Variants in GPHN observed in about 807,000 individuals in gnomAD.
GPHN encodes gephyrin.
In GPHN, 17 loss-of-function variants were observed where a neutral mutation model predicts 95.5. The ratio of observed to expected loss-of-function variants is 0.18; its 90% CI spans 0.12 to 0.27. The LOEUF (loss-of-function observed/expected upper bound fraction) is 0.27. Ranked by LOEUF, GPHN falls within the 10% of genes least tolerant of loss-of-function variation. The pLI is 1.00. For synonymous variants in GPHN, 320 were observed against 322.5 expected (o/e 0.99, Z 0.08); for missense variants, 660 against 978.1 (o/e 0.67, Z 4.34).
intron 1 of GPHN, among the ~76,000 whole-genome samples, chr14:66,546,591 GA>G (rs1238143676): frequency 6.6e-6 from 1 of 152,128 alleles, no homozygotes; most frequent in Non-Finnish European, 1.5e-5. Flanking sequence ...CCAACACAGC[GA>G]AACCCCGTCT....
At chr14:66,735,310 T>C (rs1250556278) in intron 2 of GPHN, among the ~76,000 whole-genome samples, 1 of 152,132 alleles carries the variant, frequency 6.6e-6, no homozygotes, top group Non-Finnish European at 1.5e-5. Context: ...TGTCACATCT[T>C]TATGAAGCTG....
chr14:66,563,051 C>A (rs2060329742), intron 1 of GPHN, among the ~76,000 whole-genome samples: 2 of 152,206 alleles, frequency 1.3e-5, no homozygotes, highest in South Asian at 4.1e-4. Flanking sequence ...GGGAGATATT[C>A]TGCCTACAAA....
chr14:67,584,857 C>T, the GPHN span, among the ~76,000 whole-genome samples: 2 of 152,160 alleles, frequency 1.3e-5, no homozygotes, highest in Non-Finnish European at 2.9e-5. Context: ...TAAGCCATCA[C>T]AAATGCTATG....
the GPHN span, among the ~76,000 whole-genome samples, chr14:67,716,058 G>A: frequency 6.6e-6 from 1 of 152,104 alleles, no homozygotes; most frequent in African/African-American, 2.4e-5. Flanking sequence ...TTAGCCGGGG[G>A]TGGTAGCCGG....
chr14:67,656,822 C>T, the GPHN span, among the ~76,000 whole-genome samples: 1 of 152,138 alleles, frequency 6.6e-6, no homozygotes, highest in African/African-American at 2.4e-5. Context: ...TTTACACTTA[C>T]GCGAGGCAAG....
At chr14:66,616,003 A>T (rs2063003095) in intron 1 of GPHN, among the ~76,000 whole-genome samples, 1 of 151,758 alleles carries the variant, frequency 6.6e-6, no homozygotes, top group African/African-American at 2.4e-5. Context: ...TGTTTTTGTC[A>T]GGTTTGTTGA....
the GPHN span, among the ~76,000 whole-genome samples, chr14:67,281,714 T>C: frequency 1.3e-5 from 2 of 152,218 alleles, no homozygotes; most frequent in Admixed American, 6.5e-5. Context: ...GAAACAAATA[T>C]AGCTTCAGCC....
the GPHN span, among the ~76,000 whole-genome samples, chr14:67,431,010 A>G: frequency 6.6e-6 from 1 of 152,198 alleles, no homozygotes; most frequent in Non-Finnish European, 1.5e-5. Flanking sequence ...TCTAGATTTC[A>G]GAAAGACAAA....
chr14:67,126,583 A>C (rs2079332465), intron 17 of GPHN, among the ~76,000 whole-genome samples: 1 of 152,222 alleles, frequency 6.6e-6, no homozygotes. Flanking sequence ...AGGTAAATTG[A>C]GTAGAAATTT....
intron 18 of GPHN, among the ~76,000 whole-genome samples, chr14:67,144,241 A>G (rs2080690354): frequency 1.6e-5 from 1 of 64,446 alleles, no homozygotes. Flanking sequence ...TGTCTTAAAA[A>G]AAAAAAAAAA....
the GPHN span, among the ~76,000 whole-genome samples, chr14:67,258,443 G>C: frequency 1.3e-5 from 2 of 152,172 alleles, no homozygotes; most frequent in East Asian, 3.9e-4. Context: ...GATTGAGGCA[G>C]GAGGATTGCA....
chr14:67,187,405 G>A, the GPHN span, among the ~76,000 whole-genome samples: 1 of 152,044 alleles, frequency 6.6e-6, no homozygotes, highest in African/African-American at 2.4e-5. Flanking sequence ...TAAGCCCAGT[G>A]AGTCACCAAA....
intron 11 of GPHN, among the ~76,000 whole-genome samples, chr14:67,080,422 C>T (rs2076646853): frequency 6.6e-6 from 1 of 151,730 alleles, no homozygotes; most frequent in African/African-American, 2.4e-5. Context: ...GATGTAGTCC[C>T]ATTTGTCTAT....
At chr14:66,707,497 C>G (rs745449439) in intron 2 of GPHN, among the ~76,000 whole-genome samples, 5 of 152,210 alleles carry the variant, frequency 3.3e-5, no homozygotes, top group Admixed American at 3.3e-4. Context: ...ACAGAGAATG[C>G]GATCATGTCC....
chr14:66,692,548 A>G (rs987339395), intron 2 of GPHN, among the ~76,000 whole-genome samples: 1 of 152,180 alleles, frequency 6.6e-6, no homozygotes, highest in African/African-American at 2.4e-5. Flanking sequence ...TGGCTCCTCT[A>G]TACAACCAGG....
chr14:67,451,222 G>A, the GPHN span, among the ~76,000 whole-genome samples: 4 of 152,206 alleles, frequency 2.6e-5, no homozygotes, highest in South Asian at 2.1e-4. Context: ...CTGCAGGGGC[G>A]GGGCCCTCAT....
At chr14:67,600,224 C>CGCACCGCGCGGCGCT in the GPHN span, 23 of 1,547,682 alleles carry the variant, frequency 1.5e-5, no homozygotes, top group Non-Finnish European at 1.9e-5. Context: ...CTCGGCCGCC[C>CGCACCGCGCGGCGCT]GCACCGCGCG....
intron 2 of GPHN, among the ~76,000 whole-genome samples, chr14:66,745,758 G>A (rs893600420): frequency 2.0e-5 from 3 of 151,830 alleles, no homozygotes; most frequent in Non-Finnish European, 4.4e-5. Context: ...TATGTATAAT[G>A]AGTGTTCATG....
At chr14:66,781,504 C>T (rs1032996683) in intron 3 of GPHN, among the ~76,000 whole-genome samples, 101 of 152,282 alleles carry the variant, frequency 6.6e-4, no homozygotes, top group African/African-American at 2.2e-3. Context: ...AGACGTGAGC[C>T]ACCGCGCCCA....
Sources: allele counts gnomAD v4.1 joint callset (sites outside exome capture counted in the v4.1 genomes callset), GRCh38; gene constraint gnomAD v4.1.1; transcripts MANE v1.5; gene names NCBI Gene and HGNC (gene_info 2026-07-23, HGNC 2026-07-21).